Variants in NEGR1 observed in about 807,000 individuals in gnomAD.
NEGR1 encodes the protein neuronal growth regulator 1, also known as IgLON family member 4.
Under a neutral mutation model 40.9 loss-of-function variants are expected in NEGR1, and 10 were observed. That is an observed-to-expected ratio of 0.24 (90% CI 0.15 to 0.42). The LOEUF is 0.42. Among genes scored for constraint, NEGR1 ranks in the 10% least tolerant of loss-of-function variants. The pLI, the probability that NEGR1 is intolerant of heterozygous loss-of-function variation, is 1.00. For synonymous variants in NEGR1, 185 were observed against 166.8 expected, an observed-to-expected ratio of 1.11 and a Z score of -0.84; for missense variants, 352 against 438.9, an observed-to-expected ratio of 0.80 and a Z score of 1.77.
intron 1 of NEGR1, among the ~76,000 whole-genome samples, chr1:71,940,748 G>A (rs1645951036): frequency 6.6e-6 from 1 of 152,146 alleles, no homozygotes; most frequent in Non-Finnish European, 1.5e-5. Context: ...AACTCCTGTG[G>A]TGATTAAATT....
intron 1 of NEGR1, among the ~76,000 whole-genome samples, chr1:72,147,523 C>T (rs72939392): frequency 1.3e-3 from 192 of 152,180 alleles, no homozygotes; most frequent in African/African-American, 4.3e-3. Context: ...GGGACACAGG[C>T]AAACCATATC....
At chr1:72,172,411 C>T (rs1570076802) in intron 1 of NEGR1, among the ~76,000 whole-genome samples, 1 of 152,056 alleles carries the variant, frequency 6.6e-6, no homozygotes, top group East Asian at 1.9e-4. Context: ...AACTTCATAT[C>T]CAAATATAAT....
intron 6 of NEGR1, among the ~76,000 whole-genome samples, chr1:71,491,896 A>C (rs576640407): frequency 9.9e-5 from 15 of 152,214 alleles, no homozygotes; most frequent in Admixed American, 7.9e-4. Context: ...GCTGAAACCT[A>C]ATCACCAAGG....
chr1:71,524,351 T>TGTGC (rs1647192564), intron 6 of NEGR1, among the ~76,000 whole-genome samples: 1 of 150,722 alleles, frequency 6.6e-6, no homozygotes, highest in South Asian at 2.1e-4. Context: ...TGTGTGTGTG[T>TGTGC]GTGTGATATC....
chr1:71,417,498 C>G (rs1569847826), intron 6 of NEGR1, among the ~76,000 whole-genome samples: 1 of 152,174 alleles, frequency 6.6e-6, no homozygotes, highest in Non-Finnish European at 1.5e-5. Context: ...GGATGTCTCT[C>G]AAGACATCAT....
intron 1 of NEGR1, among the ~76,000 whole-genome samples, chr1:72,046,506 T>C (rs1569873419): frequency 6.6e-6 from 1 of 151,650 alleles, no homozygotes; most frequent in African/African-American, 2.4e-5. Context: ...TTCATGATTA[T>C]AGCCAGATAA....
intron 1 of NEGR1, among the ~76,000 whole-genome samples, chr1:72,136,503 A>T (rs1215348891): frequency 6.6e-6 from 1 of 151,808 alleles, no homozygotes; most frequent in Non-Finnish European, 1.5e-5. Context: ...GATCTCCAAA[A>T]CAGGAGTGAG....
intron 4 of NEGR1, among the ~76,000 whole-genome samples, chr1:71,639,534 G>A (rs560609846): frequency 6.6e-6 from 1 of 152,168 alleles, no homozygotes; most frequent in South Asian, 2.1e-4. Context: ...GGAAGAATAT[G>A]TGTATGCGCA....
rs377263417 is a variant in NEGR1, at chr1:71,559,019, G to GTGTATA, written c.940+33797_940+33798insTATACA. Among the ~76,000 whole-genome samples, 46 of 114,090 alleles carry GTGTATA rather than the reference G, an allele frequency of 4.0e-4. 1 individual carries two copies. Among genetic ancestry groups the GTGTATA allele is most frequent in the South Asian group, 2.5e-3 (8 of 3,212 alleles). 74.8% of individuals were successfully genotyped at this position (114,090 alleles called of 152,430 possible). On this transcript the variant is annotated intron_variant, in intron 6 of 6. Transcript: ENST00000357731. ...ATTTATTTATCTTCTCTGTGTGTGT[G>GTGTATA]TATATATATATATATATATATATAT...
At chr1:71,599,340 A>G (rs894401831) in intron 5 of NEGR1, among the ~76,000 whole-genome samples, 1 of 152,236 alleles carries the variant, frequency 6.6e-6, no homozygotes, top group Non-Finnish European at 1.5e-5. Context: ...AGTGACTGAA[A>G]AGATCATGGC....
At chr1:71,480,101 A>G (rs956754624) in intron 6 of NEGR1, among the ~76,000 whole-genome samples, 2 of 151,976 alleles carry the variant, frequency 1.3e-5, no homozygotes, top group Non-Finnish European at 2.9e-5. Flanking sequence ...CAACCCATGT[A>G]ATTACAGTGG....
At position 71,860,590 on chromosome 1, in the gene NEGR1, TGATA is replaced by T. The variant is rs558896226; in HGVS notation, c.409+74485_409+74488del. Among the ~76,000 whole-genome samples the T allele has an allele frequency of 1.9e-4, 29 of 152,012 alleles. No individual in the cohort carries two copies. In the South Asian group the frequency reaches 6.0e-3, roughly 32 times the overall value. The stretch of plus-strand genomic sequence containing the variant: ...GAAGTCAGATTATCACAAAATACAA[TGATA>T]GATAGTAAGACTTACCTTAAATTTA... On this transcript the variant is annotated intron_variant, in intron 2 of 6. Transcript: ENST00000357731.
At chr1:72,225,831 C>G (rs1485203919) in intron 1 of NEGR1, among the ~76,000 whole-genome samples, 2 of 151,546 alleles carry the variant, frequency 1.3e-5, no homozygotes, top group African/African-American at 4.8e-5. Flanking sequence ...TACTATTATT[C>G]ACAAGAATCA....
chr1:71,462,132 A>G (rs1330167904), intron 6 of NEGR1, among the ~76,000 whole-genome samples: 1 of 152,230 alleles, frequency 6.6e-6, no homozygotes, highest in Non-Finnish European at 1.5e-5. Flanking sequence ...TGCATCTAAA[A>G]TTTTAAATAA....
At chr1:71,800,780 C>T (rs1297118997) in intron 2 of NEGR1, among the ~76,000 whole-genome samples, 1 of 152,120 alleles carries the variant, frequency 6.6e-6, no homozygotes, top group African/African-American at 2.4e-5. Flanking sequence ...CATTCTCTCC[C>T]ACATCATCCA....
chr1:72,057,549 C>T (rs928948185), intron 1 of NEGR1, among the ~76,000 whole-genome samples: 2 of 151,584 alleles, frequency 1.3e-5, no homozygotes, highest in East Asian at 3.9e-4. Context: ...TGGCTGACAG[C>T]TGGCAGGACA....
At chr1:71,707,739 A>G (rs909111244) in intron 3 of NEGR1, among the ~76,000 whole-genome samples, 4 of 152,116 alleles carry the variant, frequency 2.6e-5, no homozygotes, top group Non-Finnish European at 5.9e-5. Flanking sequence ...ATGCAATCAT[A>G]GTGGTGGTGG....
At chr1:71,880,968 A>C (rs2101842959) in intron 2 of NEGR1, among the ~76,000 whole-genome samples, 1 of 152,188 alleles carries the variant, frequency 6.6e-6, no homozygotes, top group African/African-American at 2.4e-5. Context: ...AAATGTAATA[A>C]TAATGGCAAA....
chr1:71,899,082 T>C (rs1661075203), intron 2 of NEGR1, among the ~76,000 whole-genome samples: 1 of 147,392 alleles, frequency 6.8e-6, no homozygotes. Context: ...GAAAAGATTC[T>C]GGGAACAGCA....
Sources: gnomAD v4.1 joint callset for allele counts (sites outside exome capture counted in the v4.1 genomes callset) on GRCh38, gnomAD v4.1.1 for gene constraint, MANE v1.5 for transcripts, NCBI Gene and HGNC (gene_info 2026-07-23, HGNC 2026-07-21) for gene names.